CCDC102B: variants seen among roughly 807,000 people sequenced by gnomAD.
CCDC102B encodes the protein coiled-coil domain-containing protein 102B.
In CCDC102B, 75 loss-of-function variants were observed where a neutral mutation model predicts 57.4. The ratio of observed to expected loss-of-function variants is 1.31; its 90% CI spans 1.08 to 1.58. The LOEUF (loss-of-function observed/expected upper bound fraction) is 1.58, where lower values mean the gene tolerates loss of function less well. Among genes scored for constraint, CCDC102B ranks in the 40% most tolerant of loss-of-function variants. CCDC102B has a pLI of 0.00. For missense variants in CCDC102B, 636 were observed against 582.6 expected (o/e 1.09, Z -0.94); for synonymous variants, 206 against 201.9 (o/e 1.02, Z -0.17).
intron 2 of CCDC102B, among the ~76,000 whole-genome samples, chr18:68,743,839 A>G (rs2033509225): frequency 6.6e-6 from 1 of 152,204 alleles, no homozygotes; most frequent in South Asian, 2.1e-4. Flanking sequence ...AAGAAACTTC[A>G]AATTTGTCCA....
At chr18:68,759,293 A>G (rs1025609872) in intron 2 of CCDC102B, among the ~76,000 whole-genome samples, 6 of 152,152 alleles carry the variant, frequency 3.9e-5, no homozygotes, top group East Asian at 3.8e-4. Context: ...GAAAATGTTT[A>G]ACACAATAAT....
intron 6 of CCDC102B, among the ~76,000 whole-genome samples, chr18:68,952,217 AT>A (rs35550757): frequency 0.12 from 18,046 of 150,488 alleles, 1,435 homozygotes; most frequent in East Asian, 0.3. Flanking sequence ...CTCATGCAAT[AT>A]TTTTTTTTTC....
At chr18:68,799,931 T>A (rs1178421831) in intron 1 of CCDC102B, among the ~76,000 whole-genome samples, 1 of 152,070 alleles carries the variant, frequency 6.6e-6, no homozygotes, top group Non-Finnish European at 1.5e-5. Context: ...TTACATATCA[T>A]ACAAAGGGGA....
chr18:68,857,114 A>C (rs1278856487), intron 4 of CCDC102B, among the ~76,000 whole-genome samples: 2 of 59,574 alleles, frequency 3.4e-5, no homozygotes, highest in African/African-American at 7.0e-5. Context: ...ATTATATATA[A>C]ATATATTTAT....
At chr18:68,777,600 G>T (rs574285688) in intron 2 of CCDC102B, among the ~76,000 whole-genome samples, 1 of 152,046 alleles carries the variant, frequency 6.6e-6, no homozygotes, top group African/African-American at 2.4e-5. Flanking sequence ...TGGGTTAAAG[G>T]GGGTATTTAG....
chr18:68,898,717 C>T (rs1217441228), intron 6 of CCDC102B, among the ~76,000 whole-genome samples: 1 of 152,002 alleles, frequency 6.6e-6, no homozygotes, highest in Non-Finnish European at 1.5e-5. Flanking sequence ...GAATCATTAT[C>T]CCCACCCAGC....
At position 69,010,934 on chromosome 18, in the gene CCDC102B, G is replaced by T; in HGVS notation, c.1264G>T (p.Glu422Ter). The change falls in exon 7 of 8, where the codon GAA (glutamate) becomes TAA (stop). Residue 422 changes from glutamate to a stop codon, truncating the protein, a stop_gained and splice_region_variant. Transcript: ENST00000360242. LOFTEE classifies it high-confidence loss of function. ...TGTAATTTTTGTTTTCCTTTGAAAG[G>T]AATTACTGAACCTTCAACATGCCTA... Reference protein sequence around the residue: ...SQIDLQEKNQELLNLQHAYYK... With the variant: ...SQIDLQEKNQ The T allele has an allele frequency of 1.3e-6, 2 of 1,577,382 alleles. No individual in the cohort carries two copies. Among genetic ancestry groups the T allele is most frequent in the East Asian group, 2.2e-5 (1 of 44,520 alleles).
intron 6 of CCDC102B, among the ~76,000 whole-genome samples, chr18:69,009,922 A>G (rs1183438710): frequency 2.2e-5 from 1 of 45,724 alleles, no homozygotes; most frequent in Non-Finnish European, 5.9e-5. Context: ...GTTTTAATAA[A>G]GATTTTTTTT....
At chr18:68,907,106 C>T (rs1568323429) in intron 6 of CCDC102B, among the ~76,000 whole-genome samples, 1 of 152,086 alleles carries the variant, frequency 6.6e-6, no homozygotes. Context: ...CATCAAAAAT[C>T]AATTATCCAT....
intron 5 of CCDC102B, among the ~76,000 whole-genome samples, chr18:68,886,617 C>CT (rs145538813): frequency 0.012 from 1,776 of 152,106 alleles, 36 homozygotes; most frequent in East Asian, 0.08. Context: ...AGTGAATGCA[C>CT]TTTTTTTCTG....
At chr18:68,941,264 T>TA (rs35250665) in intron 6 of CCDC102B, among the ~76,000 whole-genome samples, 5,724 of 149,764 alleles carry the variant, frequency 0.038, 221 homozygotes, top group African/African-American at 0.1. Flanking sequence ...AGCACAAAAA[T>TA]AAAAAAAAAA....
At chr18:68,815,898 A>C (rs1453984325) in intron 1 of CCDC102B, among the ~76,000 whole-genome samples, 4 of 152,196 alleles carry the variant, frequency 2.6e-5, no homozygotes, top group Non-Finnish European at 4.4e-5. Flanking sequence ...AGGAAAAATC[A>C]GTTTGAGTTT....
intron 5 of CCDC102B, among the ~76,000 whole-genome samples, chr18:68,880,407 C>G (rs927831346): frequency 1.1e-3 from 166 of 152,272 alleles, no homozygotes; most frequent in African/African-American, 3.9e-3. Context: ...CTGAGGGAGC[C>G]GGCTCCAGCC....
chr18:68,734,530 C>CA (rs1418983216), intron 2 of CCDC102B, among the ~76,000 whole-genome samples: 2 of 152,094 alleles, frequency 1.3e-5, no homozygotes, highest in Non-Finnish European at 2.9e-5. Context: ...ACCACAAATA[C>CA]CAAAGATTTT....
chr18:69,021,619 G>A (rs190868586), intron 7 of CCDC102B, among the ~76,000 whole-genome samples: 112 of 152,258 alleles, frequency 7.4e-4, no homozygotes, highest in African/African-American at 2.6e-3. Flanking sequence ...TCAAGATGGC[G>A]GTATTCACAG....
In CCDC102B at chr18:68,722,692, C is replaced by T. The variant is rs112280721; in HGVS notation, c.-67+6098C>T. ...AAAAGGAACAAATGGGCAGAGTACC[C>T]GCCAGATCTTTGATGAAATTTTTCA... On this transcript the variant is annotated intron_variant, in intron 2 of 3. Coordinates refer to the CCDC102B transcript ENST00000578970. 8.3e-3 allele frequency among the ~76,000 whole-genome samples: 1,258 copies of T among 152,126 alleles called. 8 individuals carry two copies. Among genetic ancestry groups the T allele is most frequent in the Non-Finnish European group, 0.011 (721 of 68,006 alleles).
At chr18:68,980,368 T>C (rs1462212033) in intron 6 of CCDC102B, among the ~76,000 whole-genome samples, 4 of 150,510 alleles carry the variant, frequency 2.7e-5, no homozygotes, top group Admixed American at 2.7e-4. Flanking sequence ...GGGCCTGATA[T>C]GTCCTGTCAC....
intron 7 of CCDC102B, among the ~76,000 whole-genome samples, chr18:69,041,537 G>A (rs1426330607): frequency 6.6e-6 from 1 of 152,010 alleles, no homozygotes; most frequent in Non-Finnish European, 1.5e-5. Context: ...TGATTGGCCG[G>A]TTTAATGCCC....
At chr18:68,719,421 A>G (rs309241) in intron 2 of CCDC102B, among the ~76,000 whole-genome samples, 1,812 of 152,324 alleles carry the variant, frequency 0.012, 32 homozygotes, top group African/African-American at 0.038. Context: ...AAAGGCCTGA[A>G]AACCACAAGT....
Sources: gnomAD v4.1 joint callset for allele counts (sites outside exome capture counted in the v4.1 genomes callset) on GRCh38, gnomAD v4.1.1 for gene constraint, MANE v1.5 for transcripts, NCBI Gene and HGNC (gene_info 2026-07-23, HGNC 2026-07-21) for gene names.